DACT3: variants seen among roughly 807,000 people sequenced by gnomAD.
DACT3 encodes dapper homolog 3.
DACT3 carries 5 observed loss-of-function variants against 19.6 expected under a neutral mutation model. That is an observed-to-expected ratio of 0.26 (90% confidence interval 0.13 to 0.54). The LOEUF (loss-of-function observed/expected upper bound fraction) is 0.54, where lower values mean the gene tolerates loss of function less well. Ranked by LOEUF, DACT3 falls within the 20% of genes least tolerant of loss-of-function variation. DACT3 has a pLI of 0.95. For synonymous variants in DACT3, 454 were observed against 428.1 expected (o/e 1.06, Z -0.75); for missense variants, 908 against 927.4 (o/e 0.98, Z 0.27).
intron 1 of DACT3, chr19:46,659,286 A>G (rs1026138739): frequency 1.0e-6 from 1 of 982,804 alleles, no homozygotes; most frequent in Non-Finnish European, 1.2e-6. Context: ...CCGGGAGGAC[A>G]GAGGGCTGAG....
rs201832570 is a variant in DACT3 at position 46,656,040 on chromosome 19, A to AATTTATTTATTT, written c.250-2977_250-2966dup. 3.9e-3 allele frequency among the ~76,000 whole-genome samples: 526 copies of AATTTATTTATTT among 135,846 alleles called. 1 individual carries two copies. Among genetic ancestry groups the AATTTATTTATTT allele is most frequent in the African/African-American group, 0.014 (491 of 34,878 alleles). The allele number at this position is 135,846 out of a possible 152,430, so 89.1% of individuals were successfully genotyped here. A position where few individuals can be genotyped will look rare whatever the true frequency, so the allele number is the denominator to read the frequency against. On this transcript the variant is annotated intron_variant, in intron 1 of 3. Coordinates refer to ENST00000391916, the MANE Select transcript of DACT3 (RefSeq NM_145056.3). The stretch of plus-strand genomic sequence containing the variant: ...TATACACATATATGTATATATATGA[A>AATTTATTTATTT]ATTTATTTATTTATTTATTTATTTA...
At chr19:46,651,744 G>A (rs1362141406) in intron 3 of DACT3, 1 of 151,136 alleles carries the variant, frequency 6.6e-6, no homozygotes, top group Non-Finnish European at 1.5e-5. Context: ...CTGTCACCCA[G>A]GCTGGAGCGC....
Position 46,660,870 on chromosome 19 carries a change from C to A in DACT3, c.195G>T (p.Glu65Asp). 1 of 1,532,136 alleles carries A rather than the reference C, an allele frequency of 6.5e-7. No homozygotes were observed. The highest frequency in any genetic ancestry group is 8.7e-7 in the Non-Finnish European group (1 of 1,144,292). 94.9% of individuals were successfully genotyped at this position (1,532,136 alleles called of 1,614,324 possible). A position where few individuals can be genotyped will look rare whatever the true frequency, so the allele number is the denominator to read the frequency against. The stretch of plus-strand genomic sequence containing the variant: ...GGCGCGCCGCCGCCGCATCTTCATC[C>A]TCATCGGCGTCCTCCTCGTCCTCGG... Reference protein sequence around the residue: ...AEAEDEEDADEDEDAAAARRA... With the variant: ...AEAEDEEDADDDEDAAAARRA... Residue 65 changes from glutamate to aspartate, a missense_variant, in exon 1 of 4, where the codon GAG (glutamate) becomes GAT (aspartate). Physicochemically the swap from Glu to Asp is conservative, Grantham distance 45. Coordinates refer to ENST00000391916, the MANE Select transcript of DACT3 (RefSeq NM_145056.3). This position sits in a 1 kb window ranked among gnomAD's most constrained non-coding sequence, Gnocchi z 4.9.
At chr19:46,651,462 G>A (rs929687265) in intron 3 of DACT3, 6 of 152,196 alleles carry the variant, frequency 3.9e-5, no homozygotes, top group African/African-American at 1.4e-4. Context: ...GTTCATTACT[G>A]TTCATTTTGT....
In DACT3 at chr19:46,652,582, G is replaced by A. The variant is rs115126282; in HGVS notation, c.499+78C>T. On this transcript the variant is annotated intron_variant, in intron 3 of 3. Transcript: ENST00000391916. ...ACAGCTGGAATTGGAATCCAGGCCCGATTCGGAAGTCTGTGCCCACAACCA... is the reference window on the plus strand; with the variant it reads ...ACAGCTGGAATTGGAATCCAGGCCCAATTCGGAAGTCTGTGCCCACAACCA... 2,745 of 1,443,654 alleles carry A rather than the reference G, an allele frequency of 1.9e-3. 34 individuals are homozygous for A. In the African/African-American group the frequency reaches 0.033, roughly 17 times the overall value. 89.4% of individuals were successfully genotyped at this position (1,443,654 alleles called of 1,614,324 possible). A position where few individuals can be genotyped will look rare whatever the true frequency, so the allele number is the denominator to read the frequency against.
chr19:46,649,922 C>A, intron 3 of DACT3, 50 bp from the exon 4 acceptor site: 2 of 1,317,630 alleles, frequency 1.5e-6, no homozygotes, highest in South Asian at 1.8e-5. Context: ...TGGAGGGGCT[C>A]TCAAAGTCCT....
Position 46,649,547 on chromosome 19 carries a change from C to T in DACT3, c.825G>A (p.Ala275=). Residue 275 remains alanine, a synonymous_variant, in exon 4 of 4, where the codon GCG becomes GCA. Transcript: ENST00000391916. The stretch of plus-strand genomic sequence containing the variant: ...TGTTCTGGCGCCGCGGGCCGCCGTC[C>T]GCGCCCCCGGGACTGGTCCGGGGCT... ...AGQPRTSPGG[A]DGGPRRQNSV... 2 of 1,045,000 alleles carry T rather than the reference C, an allele frequency of 1.9e-6. No individual in the cohort carries two copies. The highest frequency in any genetic ancestry group is 2.3e-6 in the Non-Finnish European group (2 of 871,480). 64.7% of individuals were successfully genotyped at this position (1,045,000 alleles called of 1,614,324 possible). A position where few individuals can be genotyped will look rare whatever the true frequency, so the allele number is the denominator to read the frequency against.
chr19:46,652,655 C>A lies in DACT3; in HGVS notation c.499+5G>T. The A allele has an allele frequency of 1.3e-6, 2 of 1,550,634 alleles. No individual in the cohort carries two copies. The highest frequency in any genetic ancestry group is 1.7e-6 in the Non-Finnish European group (2 of 1,146,944). On this transcript the variant is annotated splice_donor_5th_base_variant and intron_variant, in intron 3 of 3. Coordinates refer to ENST00000391916, the MANE Select transcript of DACT3 (RefSeq NM_145056.3). Reference sequence around the variant, plus strand: ...GCCCCAGGGCCCCACCCTCACCCACCTTACCTAGGGACTTGGGCCTCTCAC... The same window carrying A: ...GCCCCAGGGCCCCACCCTCACCCACATTACCTAGGGACTTGGGCCTCTCAC...
rs375014602 is a variant in DACT3, at chr19:46,652,942, C to T, written c.346+37G>A. The T allele has an allele frequency of 1.7e-4, 266 of 1,547,798 alleles. 3 individuals are homozygous for T. The South Asian group carries it at 2.8e-3, about 17-fold the overall frequency. On this transcript the variant is annotated intron_variant, in intron 2 of 3. Transcript: ENST00000391916. ...AATAGGGATACGGGGAACATGGAGG[C>T]GTCCCAGGCAAACCCTACCCCTCCA...
chr19:46,651,499 A>AG (rs1189039904), intron 3 of DACT3: 1 of 152,226 alleles, frequency 6.6e-6, no homozygotes, highest in East Asian at 1.9e-4. Context: ...ACTGCTAGGT[A>AG]GCACATAGTG....
Position 46,648,309 on chromosome 19 carries a change from C to A in DACT3, c.*173G>T, listed in dbSNP as rs1362813728. The A allele has an allele frequency of 1.2e-5, 13 of 1,110,120 alleles. No homozygotes were observed. Among genetic ancestry groups the A allele is most frequent in the Non-Finnish European group, 1.7e-5 (13 of 780,010 alleles). 68.8% of individuals were successfully genotyped at this position (1,110,120 alleles called of 1,614,324 possible). On this transcript the variant is annotated 3_prime_UTR_variant, in exon 4 of 4. Transcript: ENST00000391916. The surrounding 1 kb of genome is among the most constrained non-coding windows in gnomAD (Gnocchi z 5.1). Reference sequence around the variant, plus strand: ...AAACAGGGCTCCTCCCCATTCCTCTCGGTGGTGGTGGGGGAGCCTTTTCAA... The same window carrying A: ...AAACAGGGCTCCTCCCCATTCCTCTAGGTGGTGGTGGGGGAGCCTTTTCAA...
Position 46,652,690 on chromosome 19 carries a change from T to G in DACT3, c.469A>C (p.Ile157Leu), listed in dbSNP as rs897690737. ...GRLGPSEPRGIYASERPKSLG... is the reference protein window; with the variant it reads ...GRLGPSEPRGLYASERPKSLG... ...GACTTGGGCCTCTCACTGGCATAGA[T>G]GCCCCGGGGCTCAGAGGGACCCAGG... The change falls in exon 3 of 4, where the codon ATC becomes CTC. Residue 157 changes from isoleucine (I) to leucine (L), a missense_variant. Physicochemically the swap from Ile to Leu is conservative, Grantham distance 5. This residue lies in a region of DACT3 where 252 missense variants were observed against 325.6 expected (regional missense o/e 0.77). Coordinates refer to ENST00000391916, the MANE Select transcript of DACT3 (RefSeq NM_145056.3). 6.4e-7 allele frequency: 1 copy of G among 1,551,328 alleles called. No individual in the cohort carries two copies. Among genetic ancestry groups the G allele is most frequent in the Admixed American group, 2.0e-5 (1 of 50,984 alleles).
In DACT3 at chr19:46,652,695, C is replaced by T. The variant is rs768882540; in HGVS notation, c.464G>A (p.Arg155Gln). Residue 155 changes from arginine (R) to glutamine (Q), a missense_variant, in exon 3 of 4, where the codon CGG becomes CAG. Arg to Gln is a conservative substitution (Grantham distance 43). This residue lies in a region of DACT3 where 252 missense variants were observed against 325.6 expected (regional missense o/e 0.77). Coordinates refer to ENST00000391916, the MANE Select transcript of DACT3 (RefSeq NM_145056.3). The stretch of plus-strand genomic sequence containing the variant: ...GGGCCTCTCACTGGCATAGATGCCC[C>T]GGGGCTCAGAGGGACCCAGGCGACC... ...SYGRLGPSEP[R>Q]GIYASERPKS... 16 of 1,551,456 alleles carry T rather than the reference C, an allele frequency of 1.0e-5. No homozygotes were observed. The highest frequency in any genetic ancestry group is 6.8e-5 in the African/African-American group (5 of 73,132).
Position 46,649,412 on chromosome 19 carries a change from CA to C in DACT3, c.959del (p.Leu320Ter). ...CCCACGACGACGCCCAGGCGCGGCT[CA>C]AGGCGGCAGGGCTGGTGGGGTGGCC... ...VGGHPTSPAA[L>X]SRAWASSWES... On this transcript the variant is annotated frameshift_variant, in exon 4 of 4. Transcript: ENST00000391916. LOFTEE classifies it low-confidence loss of function (END_TRUNC). 1 of 1,284,840 alleles carries C rather than the reference CA, an allele frequency of 7.8e-7. No homozygotes were observed. The highest frequency in any genetic ancestry group is 1.8e-5 in the South Asian group (1 of 54,868). 79.6% of individuals were successfully genotyped at this position (1,284,840 alleles called of 1,614,324 possible).
intron 1 of DACT3, chr19:46,654,958 G>C: frequency 1.0e-6 from 1 of 985,312 alleles, no homozygotes; most frequent in Non-Finnish European, 1.2e-6. Flanking sequence ...GGTATATTGA[G>C]ATGCTCACAG....
chr19:46,648,967 CCTGGGCCGCCAGCGTGGGCG>C lies in DACT3; in HGVS notation c.1385_1404del (p.Ala462GlyfsTer229). 1 of 1,295,634 alleles carries C rather than the reference CCTGGGCCGCCAGCGTGGGCG, an allele frequency of 7.7e-7. No homozygotes were observed. The highest frequency in any genetic ancestry group is 9.8e-7 in the Non-Finnish European group (1 of 1,024,904). The allele number at this position is 1,295,634 out of a possible 1,614,324, so 80.3% of individuals were successfully genotyped here. On this transcript the variant is annotated frameshift_variant, in exon 4 of 4. Coordinates refer to ENST00000391916, the MANE Select transcript of DACT3 (RefSeq NM_145056.3). LOFTEE classifies it low-confidence loss of function (END_TRUNC). This position sits in a 1 kb window ranked among gnomAD's most constrained non-coding sequence, Gnocchi z 5.1. ...CGCCAGCGACGGCAGGACCCTGCGG[CCTGGGCCGCCAGCGTGGGCG>C]CTGGGCCGCGGCGTGGCCGTGGAGG...
chr19:46,647,817 C>G lies in DACT3; in HGVS notation c.*665G>C, dbSNP rs1231177528. On this transcript the variant is annotated 3_prime_UTR_variant, in exon 4 of 4. Transcript: ENST00000391916. ...GGGGTCATGAGATAGAAACCATCTTCCTTCCCCTCTTCTACCTCCGAATCC... is the reference window on the plus strand; with the variant it reads ...GGGGTCATGAGATAGAAACCATCTTGCTTCCCCTCTTCTACCTCCGAATCC... The G allele has an allele frequency of 6.6e-6, 1 of 152,642 alleles. No homozygotes were observed. The highest frequency in any genetic ancestry group is 2.4e-5 in the African/African-American group (1 of 41,460). The allele number at this position is 152,642 out of a possible 1,614,324, so 9.5% of individuals were successfully genotyped here. A position where few individuals can be genotyped will look rare whatever the true frequency, so the allele number is the denominator to read the frequency against.
intron 1 of DACT3, among the ~76,000 whole-genome samples, chr19:46,655,968 T>C (rs539762194): frequency 9.6e-4 from 145 of 150,410 alleles, no homozygotes; most frequent in African/African-American, 3.3e-3. Context: ...CATATATATA[T>C]ACACACATAT....
chr19:46,658,673 G>A (rs1420788181), intron 1 of DACT3, among the ~76,000 whole-genome samples: 5 of 152,094 alleles, frequency 3.3e-5, no homozygotes, highest in Non-Finnish European at 7.4e-5. Flanking sequence ...CTGGCTCTCT[G>A]CCTCCTCACG....
Sources: allele counts gnomAD v4.1 joint callset (sites outside exome capture counted in the v4.1 genomes callset), GRCh38; gene constraint gnomAD v4.1.1; regional missense constraint gnomAD v4.1.1; non-coding constraint Gnocchi (gnomAD v3.1); transcripts MANE v1.5; gene names NCBI Gene and HGNC (gene_info 2026-07-23, HGNC 2026-07-21).